Variants in TLK1 observed in about 807,000 individuals in gnomAD.
TLK1 encodes the protein serine/threonine-protein kinase tousled-like 1.
A neutral mutation model predicts 105.3 loss-of-function variants in TLK1; 24 were observed. The ratio of observed to expected loss-of-function variants is 0.23; its 90% CI spans 0.17 to 0.32. The LOEUF (loss-of-function observed/expected upper bound fraction) is 0.32. Among genes scored for constraint, TLK1 ranks in the 10% least tolerant of loss-of-function variants. The pLI is 1.00. For missense variants in TLK1, 558 were observed against 910.5 expected, an observed-to-expected ratio of 0.61 and a Z score of 4.98; for synonymous variants, 321 against 310.4, an observed-to-expected ratio of 1.03 and a Z score of -0.36.
intron 1 of TLK1, among the ~76,000 whole-genome samples, chr2:171,132,749 C>A (rs111614587): frequency 3.9e-5 from 6 of 152,184 alleles, no homozygotes; most frequent in African/African-American, 1.4e-4. Context: ...TGGGGTGATC[C>A]CAACTACTCA....
intron 1 of TLK1, among the ~76,000 whole-genome samples, chr2:171,200,462 C>T (rs977571948): frequency 1.3e-5 from 2 of 152,176 alleles, no homozygotes; most frequent in Non-Finnish European, 2.9e-5. Context: ...CCACATTTTA[C>T]AGTCTTGCCG....
Position 171,006,812 on chromosome 2 carries a change from A to G in TLK1, c.1586T>C (p.Leu529Ser), listed in dbSNP as rs1684673721. The G allele has an allele frequency of 1.2e-6, 2 of 1,612,846 alleles. No homozygotes were observed. Among genetic ancestry groups the G allele is most frequent in the East Asian group, 4.5e-5 (2 of 44,750 alleles). The change falls in exon 16 of 21, where the codon TTG becomes TCG. Residue 529 changes from leucine to serine, a missense_variant. Physicochemically the swap from Leu to Ser is moderately radical, Grantham distance 145. Around this residue, in one of 5 missense-constraint regions of TLK1, gnomAD observed 218 missense variants for 492.9 expected, o/e 0.44. Coordinates refer to ENST00000431350, the MANE Select transcript of TLK1 (RefSeq NM_012290.5). ...AATATTCACTTACGTATCTGTATCC[A>G]AGGAGAAATAATCATAGAGTTTAAC... ...RIVKLYDYFS[L>S]DTDTFCTVLE...
At chr2:171,065,245 T>C (rs1687933426) in intron 3 of TLK1, among the ~76,000 whole-genome samples, 1 of 152,114 alleles carries the variant, frequency 6.6e-6, no homozygotes, top group African/African-American at 2.4e-5. Flanking sequence ...AATATTTTAA[T>C]AGCAACAAAA....
At chr2:171,138,128 G>C (rs1691415114) in intron 1 of TLK1, among the ~76,000 whole-genome samples, 1 of 152,158 alleles carries the variant, frequency 6.6e-6, no homozygotes, top group South Asian at 2.1e-4. Context: ...AGGGGGTAGA[G>C]ATAGGGGTTG....
chr2:171,059,884 G>T, intron 4 of TLK1: 1 of 1,002,192 alleles, frequency 1.0e-6, no homozygotes, highest in Non-Finnish European at 1.6e-6. Flanking sequence ...CTGACAGGAG[G>T]CCGAGCTTAG....
chr2:171,125,746 T>C (rs1465364785), intron 1 of TLK1, among the ~76,000 whole-genome samples: 1 of 152,208 alleles, frequency 6.6e-6, no homozygotes. Context: ...CAACAGGTTT[T>C]GGGGGAACAG....
chr2:171,058,155 A>C lies in TLK1; in HGVS notation c.449T>G (p.Phe150Cys). The change falls in exon 5 of 21, where the codon TTT (phenylalanine) becomes TGT (cysteine). Residue 150 changes from phenylalanine (F) to cysteine (C), a missense_variant. Physicochemically the swap from Phe to Cys is radical, Grantham distance 205 (BLOSUM62 -2). Around this residue, in one of 5 missense-constraint regions of TLK1, gnomAD observed 196 missense variants for 239.3 expected, o/e 0.82. Transcript: ENST00000431350. ...GACAATCCTCAATGAACTTACTTCA[A>C]AATAGTCGCTAATTTTGTGGCCACG... ...GGRGHKISDY[F>C]EYQGGNGSSP... 6.2e-7 allele frequency: 1 copy of C among 1,613,560 alleles called. No homozygotes were observed. The highest frequency in any genetic ancestry group is 8.5e-7 in the Non-Finnish European group (1 of 1,179,582).
At chr2:171,021,710 G>C (rs1464452838) in intron 12 of TLK1, among the ~76,000 whole-genome samples, 1 of 152,118 alleles carries the variant, frequency 6.6e-6, no homozygotes, top group Non-Finnish European at 1.5e-5. Context: ...TTACAAATCT[G>C]AATTAGTTAC....
chr2:171,120,250 A>G (rs1465773750), intron 1 of TLK1, among the ~76,000 whole-genome samples: 3 of 69,174 alleles, frequency 4.3e-5, no homozygotes, highest in South Asian at 2.9e-4. Context: ...CTCCGTCAGA[A>G]AAAAAAAAAA....
chr2:171,031,072 C>CAT (rs1686021427), intron 11 of TLK1, among the ~76,000 whole-genome samples: 1 of 150,974 alleles, frequency 6.6e-6, no homozygotes, highest in African/African-American at 2.4e-5. Flanking sequence ...GAAAATTTTA[C>CAT]ATATATATAA....
intron 1 of TLK1, among the ~76,000 whole-genome samples, chr2:171,166,973 A>G (rs937766826): frequency 6.6e-6 from 1 of 152,250 alleles, no homozygotes; most frequent in Non-Finnish European, 1.5e-5. Context: ...CTTCTCAAAT[A>G]TTCAAAATCA....
chr2:171,089,382 A>C (rs1446469213), intron 2 of TLK1, among the ~76,000 whole-genome samples: 1 of 152,196 alleles, frequency 6.6e-6, no homozygotes, highest in Non-Finnish European at 1.5e-5. Flanking sequence ...TATTCATTTT[A>C]TTAAAGTTTT....
At chr2:170,998,046 T>TTATC (rs869267964) in intron 18 of TLK1, among the ~76,000 whole-genome samples, 1,832 of 147,628 alleles carry the variant, frequency 0.012, 37 homozygotes, top group African/African-American at 0.042. Context: ...CTATCTATCT[T>TTATC]TATCTATCTA....
At chr2:171,027,538 T>C (rs1559351170) in intron 12 of TLK1, among the ~76,000 whole-genome samples, 1 of 152,246 alleles carries the variant, frequency 6.6e-6, no homozygotes, top group African/African-American at 2.4e-5. Context: ...TATCCCTTTA[T>C]ACTATCACTA....
In TLK1 at chr2:171,184,080, C is replaced by T. The variant is rs555909250; in HGVS notation, c.-6+47065G>A. 8.5e-5 allele frequency among the ~76,000 whole-genome samples: 13 copies of T among 152,098 alleles called. No homozygotes were observed. The East Asian group carries it at 1.9e-3, about 23-fold the overall frequency. On this transcript the variant is annotated intron_variant, in intron 1 of 20. Transcript: ENST00000521943. Reference sequence around the variant, plus strand: ...AACTTTCCTAGCTGTGGTCAGAGGGCGATGTGACTACAGAAGAATGGTCAG... The same window carrying T: ...AACTTTCCTAGCTGTGGTCAGAGGGTGATGTGACTACAGAAGAATGGTCAG...
rs560017974 is a variant in TLK1 at position 171,201,118 on chromosome 2, A to G, written c.-6+30027T>C. 1.6e-4 allele frequency among the ~76,000 whole-genome samples: 24 copies of G among 152,200 alleles called. No individual in the cohort carries two copies. The South Asian group carries it at 5.0e-3, about 32-fold the overall frequency. On this transcript the variant is annotated intron_variant, in intron 1 of 20. Coordinates refer to the TLK1 transcript ENST00000521943. ...AGGATGGTCTCAAACTCCTGACCTCAGGTGATCCACCCACCTCAGCCTCCC... is the reference window on the plus strand; with the variant it reads ...AGGATGGTCTCAAACTCCTGACCTCGGGTGATCCACCCACCTCAGCCTCCC...
intron 3 of TLK1, among the ~76,000 whole-genome samples, chr2:171,073,388 G>T (rs953425265): frequency 6.6e-6 from 1 of 152,024 alleles, no homozygotes; most frequent in African/African-American, 2.4e-5. Context: ...TTGCTAAATA[G>T]CTTACAGATC....
chr2:171,003,659 T>C (rs765352371), intron 18 of TLK1, among the ~76,000 whole-genome samples: 5 of 152,234 alleles, frequency 3.3e-5, no homozygotes, highest in African/African-American at 4.8e-5. Flanking sequence ...TTTAAACAGA[T>C]ACTCAAAACA....
At chr2:171,177,651 T>G (rs1692854669) in intron 1 of TLK1, among the ~76,000 whole-genome samples, 1 of 152,178 alleles carries the variant, frequency 6.6e-6, no homozygotes, top group Admixed American at 6.5e-5. Flanking sequence ...ACTAACAAAG[T>G]GATAGAAGTA....
Sources: gnomAD v4.1 joint callset for allele counts (sites outside exome capture counted in the v4.1 genomes callset) on GRCh38, gnomAD v4.1.1 for gene constraint, gnomAD v4.1.1 regional missense constraint, MANE v1.5 for transcripts, NCBI Gene and HGNC (gene_info 2026-07-23, HGNC 2026-07-21) for gene names.